The following UBASH3B variants were observed in gnomAD, a reference collection of about 807,000 sequenced individuals.
The protein encoded by UBASH3B is ubiquitin associated and SH3 domain containing B, also known as ubiquitin-associated and SH3 domain-containing protein B.
Under a neutral mutation model 83.4 loss-of-function variants are expected in UBASH3B, and 37 were observed. The observed-to-expected ratio is 0.44, with a 90% CI of 0.34 to 0.58. The LOEUF is 0.58. UBASH3B is among the 20% of genes least tolerant of loss of function. The pLI is 0.01. For missense variants in UBASH3B, 657 were observed against 827.2 expected, an observed-to-expected ratio of 0.79 and a Z score of 2.52; for synonymous variants, 304 against 318.3, an observed-to-expected ratio of 0.96 and a Z score of 0.48.
In UBASH3B at chr11:122,809,895, A is replaced by G. The variant is rs1305802950; in HGVS notation, c.*9A>G. 1 of 1,612,220 alleles carries G rather than the reference A, an allele frequency of 6.2e-7. No homozygotes were observed. Among genetic ancestry groups the G allele is most frequent in the Admixed American group, 1.7e-5 (1 of 59,470 alleles). On this transcript the variant is annotated 3_prime_UTR_variant, in exon 14 of 14. Coordinates refer to ENST00000284273, the MANE Select transcript of UBASH3B (RefSeq NM_032873.5). ...CCTTGCTTCAAGAATAAACCACACC[A>G]GTGAACAAGAAGGAAAGGCCTTTTG...
intron 1 of UBASH3B, among the ~76,000 whole-genome samples, chr11:122,684,437 G>C (rs1371360278): frequency 6.6e-6 from 1 of 152,206 alleles, no homozygotes; most frequent in Non-Finnish European, 1.5e-5. Context: ...CAGATAGCAA[G>C]AGCTGCAGAG....
chr11:122,712,367 T>C (rs1048397808), intron 1 of UBASH3B, among the ~76,000 whole-genome samples: 4 of 152,054 alleles, frequency 2.6e-5, no homozygotes, highest in Non-Finnish European at 5.9e-5. Flanking sequence ...CTGCTGACTT[T>C]CCTAAGGAGC....
intron 10 of UBASH3B, among the ~76,000 whole-genome samples, chr11:122,800,503 G>C (rs189218013): frequency 6.6e-6 from 1 of 151,554 alleles, no homozygotes. Context: ...GCAGTGAGCC[G>C]AGACTGTACC....
intron 1 of UBASH3B, among the ~76,000 whole-genome samples, chr11:122,740,158 G>A (rs1398812560): frequency 6.6e-6 from 1 of 152,168 alleles, no homozygotes; most frequent in African/African-American, 2.4e-5. Context: ...ACACGCTGAA[G>A]GATCCCATAT....
intron 9 of UBASH3B, among the ~76,000 whole-genome samples, chr11:122,798,011 G>A (rs1260447212): frequency 3.3e-5 from 5 of 152,166 alleles, no homozygotes; most frequent in African/African-American, 7.2e-5. Context: ...CAGGCCAGGC[G>A]TGATGGCTCT....
intron 5 of UBASH3B, 47 bp from the exon 6 acceptor site, chr11:122,789,053 G>A: frequency 1.3e-6 from 2 of 1,559,866 alleles, no homozygotes; most frequent in Non-Finnish European, 1.8e-6. Flanking sequence ...AGGCGCTCAG[G>A]AGAATGGTGA....
At chr11:122,808,553 T>G (rs945271458) in intron 13 of UBASH3B, among the ~76,000 whole-genome samples, 2 of 152,178 alleles carry the variant, frequency 1.3e-5, no homozygotes, top group Non-Finnish European at 2.9e-5. Flanking sequence ...ACACAGGTCC[T>G]TGAAGGTAGG....
At chr11:122,661,498 C>G in intron 1 of UBASH3B, among the ~76,000 whole-genome samples, 1 of 152,112 alleles carries the variant, frequency 6.6e-6, no homozygotes, top group Admixed American at 6.5e-5. Context: ...GCTTTCCCAG[C>G]CTTGGATAGA....
chr11:122,682,501 G>A (rs774570972), intron 1 of UBASH3B, among the ~76,000 whole-genome samples: 13 of 152,270 alleles, frequency 8.5e-5, no homozygotes, highest in Middle Eastern at 6.8e-3. Flanking sequence ...TGCCTTTCCC[G>A]AGTTTGTATC....
intron 1 of UBASH3B, among the ~76,000 whole-genome samples, chr11:122,744,372 A>AGTGGTT (rs1224825235): frequency 8.5e-5 from 13 of 152,162 alleles, no homozygotes; most frequent in Admixed American, 3.3e-4. Flanking sequence ...TGAGCGTGTG[A>AGTGGTT]CTGTGAGTGG....
At chr11:122,701,909 T>C (rs1245537506) in intron 1 of UBASH3B, among the ~76,000 whole-genome samples, 1 of 152,118 alleles carries the variant, frequency 6.6e-6, no homozygotes, top group African/African-American at 2.4e-5. Flanking sequence ...GGCTGGCATG[T>C]AGTGGCATGA....
At chr11:122,724,785 A>C (rs1333572771) in intron 1 of UBASH3B, among the ~76,000 whole-genome samples, 2 of 152,086 alleles carry the variant, frequency 1.3e-5, no homozygotes, top group African/African-American at 4.8e-5. Flanking sequence ...AATGTGCTGC[A>C]TGAAAAGGAA....
At chr11:122,762,550 C>T (rs1025099766) in intron 1 of UBASH3B, among the ~76,000 whole-genome samples, 2 of 152,214 alleles carry the variant, frequency 1.3e-5, no homozygotes, top group East Asian at 1.9e-4. Flanking sequence ...TTCTTCTCCA[C>T]GCCTGCTGAG....
At chr11:122,747,557 G>A (rs932034206) in intron 1 of UBASH3B, among the ~76,000 whole-genome samples, 2 of 152,190 alleles carry the variant, frequency 1.3e-5, no homozygotes, top group African/African-American at 2.4e-5. Context: ...CTGAGCCCCC[G>A]TTGGGACTGC....
chr11:122,784,822 G>A (rs555704990), intron 5 of UBASH3B, among the ~76,000 whole-genome samples: 1 of 152,156 alleles, frequency 6.6e-6, no homozygotes, highest in African/African-American at 2.4e-5. Flanking sequence ...TGATGGGAAC[G>A]TGATGTCCTC....
chr11:122,727,825 T>C (rs1278219254), intron 1 of UBASH3B, among the ~76,000 whole-genome samples: 2 of 152,036 alleles, frequency 1.3e-5, no homozygotes, highest in East Asian at 3.9e-4. Context: ...ATTCAAGAAA[T>C]CCTTGTTTCC....
At chr11:122,792,522 T>C (rs548217757) in intron 6 of UBASH3B, among the ~76,000 whole-genome samples, 1 of 152,172 alleles carries the variant, frequency 6.6e-6, no homozygotes, top group Admixed American at 6.5e-5. Flanking sequence ...TTTCACCACG[T>C]TGGCCAGGCT....
chr11:122,715,392 A>T (rs1225591866), intron 1 of UBASH3B, among the ~76,000 whole-genome samples: 1 of 152,250 alleles, frequency 6.6e-6, no homozygotes, highest in African/African-American at 2.4e-5. Context: ...CCTTCAAAAC[A>T]GTTGTAGCGC....
intron 1 of UBASH3B, among the ~76,000 whole-genome samples, chr11:122,751,010 C>A (rs1378653657): frequency 2.6e-5 from 4 of 152,164 alleles, no homozygotes; most frequent in Non-Finnish European, 5.9e-5. Context: ...GAGCGAACAT[C>A]AGCATTTCAG....
Sources: gnomAD v4.1 joint callset for allele counts (sites outside exome capture counted in the v4.1 genomes callset) on GRCh38, gnomAD v4.1.1 for gene constraint, MANE v1.5 for transcripts, NCBI Gene and HGNC (gene_info 2026-07-23, HGNC 2026-07-21) for gene names.